MAST2: variants seen among roughly 807,000 people sequenced by gnomAD.
The protein encoded by MAST2 is microtubule-associated serine/threonine-protein kinase 2.
Under a neutral mutation model 147.4 loss-of-function variants are expected in MAST2, and 70 were observed. That is an observed-to-expected ratio of 0.47 (90% confidence interval 0.39 to 0.58). MAST2 has a LOEUF of 0.58. Among genes scored for constraint, MAST2 ranks in the 20% least tolerant of loss-of-function variants. The pLI is 0.00. For synonymous variants in MAST2, 869 were observed against 896.8 expected (o/e 0.97, Z 0.55); for missense variants, 2,080 against 2,302.3 (o/e 0.90, Z 1.98).
intron 3 of MAST2, among the ~76,000 whole-genome samples, chr1:45,842,202 T>C (rs2147917501): frequency 6.6e-6 from 1 of 152,258 alleles, no homozygotes; most frequent in South Asian, 2.1e-4. Flanking sequence ...TACTTTTATC[T>C]GAAATTGAGA....
At chr1:45,844,209 C>A (rs1187300104) in intron 3 of MAST2, among the ~76,000 whole-genome samples, 1 of 152,140 alleles carries the variant, frequency 6.6e-6, no homozygotes, top group East Asian at 1.9e-4. Context: ...AAGTGATTCT[C>A]CTGCCTCAGC....
intron 3 of MAST2, among the ~76,000 whole-genome samples, chr1:45,866,220 A>C (rs564128411): frequency 7.9e-4 from 120 of 152,248 alleles, no homozygotes; most frequent in Non-Finnish European, 1.4e-3. Flanking sequence ...GGGAGAACCC[A>C]CTGAATCTTT....
At chr1:46,030,382 A>G in intron 21 of MAST2, 144 bp downstream of exon 21, 1 of 845,098 alleles carries the variant, frequency 1.2e-6, no homozygotes, top group East Asian at 2.6e-5. Flanking sequence ...TTGGGGCTAC[A>G]TATAGCTATA....
intron 2 of MAST2, among the ~76,000 whole-genome samples, chr1:45,827,506 A>G (rs1429054225): frequency 6.6e-6 from 1 of 152,160 alleles, no homozygotes; most frequent in Non-Finnish European, 1.5e-5. Flanking sequence ...TGTAAATAGG[A>G]TAAGTTAAGC....
chr1:45,847,172 C>T, intron 3 of MAST2: 2 of 521,406 alleles, frequency 3.8e-6, no homozygotes, highest in South Asian at 1.5e-5. Context: ...AGTCCCATTC[C>T]CTAAATGTTT....
intron 5 of MAST2, among the ~76,000 whole-genome samples, chr1:45,994,346 C>T (rs1644970756): frequency 7.7e-6 from 1 of 130,570 alleles, no homozygotes; most frequent in Admixed American, 9.2e-5. Flanking sequence ...AGTGCAGTGG[C>T]ATGATCTCGG....
At chr1:45,850,160 GTATC>G (rs1229328654) in intron 3 of MAST2, among the ~76,000 whole-genome samples, 1 of 152,086 alleles carries the variant, frequency 6.6e-6, no homozygotes, top group African/African-American at 2.4e-5. Flanking sequence ...GCATAAGATG[GTATC>G]TCATTGTGGT....
intron 3 of MAST2, among the ~76,000 whole-genome samples, chr1:45,848,729 C>T (rs528709256): frequency 5.7e-4 from 87 of 151,964 alleles, no homozygotes; most frequent in African/African-American, 9.4e-4. Context: ...AGGGTATAGC[C>T]GGAGTAATCA....
chr1:46,006,069 G>A (rs1284362825), intron 7 of MAST2, among the ~76,000 whole-genome samples, 172 bp from the exon 8 acceptor site: 1 of 152,172 alleles, frequency 6.6e-6, no homozygotes, highest in Admixed American at 6.5e-5. Flanking sequence ...GGCTCTGAAG[G>A]GCTGGAGAAA....
chr1:45,825,675 C>A (rs905480206), intron 2 of MAST2, among the ~76,000 whole-genome samples: 1 of 151,746 alleles, frequency 6.6e-6, no homozygotes, highest in Non-Finnish European at 1.5e-5. Context: ...TCAGGTGATC[C>A]GCCTGCCTTG....
At chr1:45,861,851 C>A (rs778382952) in intron 3 of MAST2, among the ~76,000 whole-genome samples, 3 of 152,192 alleles carry the variant, frequency 2.0e-5, no homozygotes, top group Non-Finnish European at 4.4e-5. Flanking sequence ...CACTCCTCCA[C>A]TCCTGAAATT....
chr1:45,853,431 G>A (rs558508940), intron 3 of MAST2, among the ~76,000 whole-genome samples: 2 of 151,434 alleles, frequency 1.3e-5, no homozygotes, highest in African/African-American at 4.9e-5. Flanking sequence ...CTCGGCTCAC[G>A]GCAACCTCTA....
intron 4 of MAST2, among the ~76,000 whole-genome samples, chr1:45,907,479 T>A (rs1249566425): frequency 2.0e-5 from 3 of 151,602 alleles, no homozygotes; most frequent in South Asian, 2.1e-4. Context: ...TTTTTTTTTT[T>A]GAGAGAGTCT....
intron 3 of MAST2, among the ~76,000 whole-genome samples, chr1:45,837,702 A>G (rs533044834): frequency 6.6e-6 from 1 of 152,086 alleles, no homozygotes; most frequent in Non-Finnish European, 1.5e-5. Context: ...GAAACTGCCA[A>G]CCTGTTTTCT....
intron 4 of MAST2, among the ~76,000 whole-genome samples, chr1:45,919,551 G>C (rs114207573): frequency 5.9e-5 from 9 of 152,300 alleles, no homozygotes; most frequent in African/African-American, 2.2e-4. Context: ...AAATTCCACA[G>C]ACAGTTTGGG....
At chr1:45,822,623 A>G (rs750297592) in intron 1 of MAST2, among the ~76,000 whole-genome samples, 1 of 152,098 alleles carries the variant, frequency 6.6e-6, no homozygotes, top group African/African-American at 2.4e-5. Flanking sequence ...GCTGGTTGTA[A>G]GTTTTTTTGA....
At chr1:46,012,681 C>G (rs1488973069) in intron 10 of MAST2, among the ~76,000 whole-genome samples, 1 of 152,058 alleles carries the variant, frequency 6.6e-6, no homozygotes, top group Non-Finnish European at 1.5e-5. Context: ...TAGGAGTTCA[C>G]TGAAGCTAGA....
rs945555370 is a variant in MAST2, at chr1:46,006,524, T to G, written c.902+129T>G. On this transcript the variant is annotated intron_variant, in intron 8 of 28. Coordinates refer to ENST00000361297, the MANE Select transcript of MAST2 (RefSeq NM_015112.3). ...ATTTTTAGGCTTTATAGGCCATATA[T>G]CTCTGTCACATTCCTCAACTCTGCT... The G allele has an allele frequency of 4.2e-6, 3 of 720,372 alleles. No homozygotes were observed. In the African/African-American group the frequency reaches 5.3e-5, roughly 13 times the overall value. The allele number at this position is 720,372 out of a possible 1,614,324, so 44.6% of individuals were successfully genotyped here. A position where few individuals can be genotyped will look rare whatever the true frequency, so the allele number is the denominator to read the frequency against.
At chr1:45,879,008 A>G (rs996574056) in intron 3 of MAST2, among the ~76,000 whole-genome samples, 11 of 152,016 alleles carry the variant, frequency 7.2e-5, no homozygotes. Context: ...TATCTAAAGC[A>G]ATCTTGGAAA....
Sources: gnomAD v4.1 joint callset for allele counts (sites outside exome capture counted in the v4.1 genomes callset) on GRCh38, gnomAD v4.1.1 for gene constraint, MANE v1.5 for transcripts, NCBI Gene and HGNC (gene_info 2026-07-23, HGNC 2026-07-21) for gene names.